PCDH9: variants seen among roughly 807,000 people sequenced by gnomAD.
PCDH9 encodes protocadherin 9.
PCDH9 carries 24 observed loss-of-function variants against 70.6 expected under a neutral mutation model. The observed-to-expected ratio is 0.34, with a 90% CI of 0.25 to 0.48. PCDH9 has a LOEUF of 0.48. Ranked by LOEUF, PCDH9 falls within the 20% of genes least tolerant of loss-of-function variation. The probability of loss-of-function intolerance (pLI) is 0.99; values close to 1 mark genes in which losing one functional copy is unlikely to be tolerated. For missense variants in PCDH9, 1,281 were observed against 1,503.6 expected (o/e 0.85, Z 2.45); for synonymous variants, 562 against 558.5 (o/e 1.01, Z -0.09).
chr13:67,048,865 A>G (rs1253280360), intron 2 of PCDH9, among the ~76,000 whole-genome samples: 1 of 152,146 alleles, frequency 6.6e-6, no homozygotes, highest in Non-Finnish European at 1.5e-5. Flanking sequence ...TTCTTCTGTT[A>G]TACCGGCAGG....
chr13:66,746,161 T>C (rs1175054538), intron 3 of PCDH9, among the ~76,000 whole-genome samples: 2 of 152,204 alleles, frequency 1.3e-5, no homozygotes, highest in Non-Finnish European at 2.9e-5. Flanking sequence ...AACATTAGAT[T>C]GCAAACAATG....
chr13:66,324,531 T>G (rs1351967186), intron 4 of PCDH9, among the ~76,000 whole-genome samples: 1 of 152,006 alleles, frequency 6.6e-6, no homozygotes, highest in Non-Finnish European at 1.5e-5. Context: ...ATATTAATTT[T>G]AGATGAATAA....
chr13:66,517,972 G>A (rs1031572800), intron 4 of PCDH9, among the ~76,000 whole-genome samples: 1 of 151,972 alleles, frequency 6.6e-6, no homozygotes, highest in Admixed American at 6.6e-5. Flanking sequence ...TATCCATCCC[G>A]TGTTAGTTCA....
At chr13:66,539,641 T>A (rs774817943) in intron 4 of PCDH9, among the ~76,000 whole-genome samples, 1 of 152,086 alleles carries the variant, frequency 6.6e-6, no homozygotes, top group African/African-American at 2.4e-5. Context: ...AAATGGTTAT[T>A]GCTTTAAGTC....
intron 2 of PCDH9, among the ~76,000 whole-genome samples, chr13:67,053,793 G>A (rs2085367743): frequency 6.6e-6 from 1 of 152,144 alleles, no homozygotes; most frequent in African/African-American, 2.4e-5. Flanking sequence ...GCCCATGTTT[G>A]AAGCAAAAAT....
At chr13:66,636,246 A>G (rs993960984) in intron 3 of PCDH9, among the ~76,000 whole-genome samples, 4 of 152,148 alleles carry the variant, frequency 2.6e-5, no homozygotes, top group African/African-American at 9.6e-5. Flanking sequence ...CCAATTTTTA[A>G]TTGTTTATCT....
At chr13:67,096,435 G>GA (rs1442786254) in intron 2 of PCDH9, among the ~76,000 whole-genome samples, 16 of 152,124 alleles carry the variant, frequency 1.1e-4, no homozygotes, top group Non-Finnish European at 1.9e-4. Flanking sequence ...CTTAAGAGTA[G>GA]AAAGAGAGGA....
In PCDH9 at chr13:66,640,453, C is replaced by G. The variant is rs961644565; in HGVS notation, c.3139-9042G>C. Among the ~76,000 whole-genome samples the G allele has an allele frequency of 2.6e-5, 4 of 152,022 alleles. No homozygotes were observed. The East Asian group carries it at 7.7e-4, about 29-fold the overall frequency. On this transcript the variant is annotated intron_variant, in intron 3 of 4. Transcript: ENST00000377865. ...AAGTTGCAGCTTTTAGGACATAGCC[C>G]CAATTTTATACAATAATTAACCTCA...
chr13:66,981,244 G>C (rs546071185), intron 2 of PCDH9, among the ~76,000 whole-genome samples: 122 of 152,008 alleles, frequency 8.0e-4, no homozygotes, highest in South Asian at 1.7e-3. Flanking sequence ...CAAGACCATC[G>C]TGGCTAACAC....
intron 4 of PCDH9, among the ~76,000 whole-genome samples, chr13:66,625,790 A>G (rs1241729117): frequency 1.3e-5 from 2 of 151,614 alleles, no homozygotes; most frequent in Non-Finnish European, 1.5e-5. Flanking sequence ...CCTCCTGAGT[A>G]GCTGGGATTA....
intron 2 of PCDH9, among the ~76,000 whole-genome samples, chr13:67,083,940 A>G (rs2086039858): frequency 6.6e-6 from 1 of 152,186 alleles, no homozygotes; most frequent in Admixed American, 6.5e-5. Flanking sequence ...TTATGGATAC[A>G]CCATTTACCC....
At chr13:66,337,624 G>C (rs199950631) in intron 4 of PCDH9, among the ~76,000 whole-genome samples, 1 of 90,388 alleles carries the variant, frequency 1.1e-5, no homozygotes, top group Non-Finnish European at 2.8e-5. Flanking sequence ...CAAACAAACA[G>C]AAATACAGAC....
chr13:66,938,310 A>G (rs1454810784), intron 2 of PCDH9, among the ~76,000 whole-genome samples: 1 of 152,240 alleles, frequency 6.6e-6, no homozygotes, highest in African/African-American at 2.4e-5. Flanking sequence ...TTTCCTTAAC[A>G]TGATATACCA....
chr13:67,077,398 C>T (rs1343544150), intron 2 of PCDH9, among the ~76,000 whole-genome samples: 1 of 152,072 alleles, frequency 6.6e-6, no homozygotes, highest in African/African-American at 2.4e-5. Context: ...CATCATTTTG[C>T]TGAGGTGTCC....
chr13:66,845,128 G>A (rs1024567127), intron 3 of PCDH9, among the ~76,000 whole-genome samples: 4 of 152,156 alleles, frequency 2.6e-5, no homozygotes, highest in Non-Finnish European at 5.9e-5. Context: ...GCCCTGGCTT[G>A]AAGGTGGGGC....
intron 4 of PCDH9, among the ~76,000 whole-genome samples, chr13:66,532,245 C>A (rs1157413619): frequency 6.6e-6 from 1 of 151,832 alleles, no homozygotes; most frequent in Non-Finnish European, 1.5e-5. Flanking sequence ...CTGAAGCAAT[C>A]CTCCTGTCTT....
chr13:66,523,695 A>G (rs1219701064), intron 4 of PCDH9, among the ~76,000 whole-genome samples: 2 of 151,878 alleles, frequency 1.3e-5, no homozygotes, highest in Non-Finnish European at 2.9e-5. Context: ...AGAGGGAAAA[A>G]GCATAATGAG....
intron 4 of PCDH9, among the ~76,000 whole-genome samples, chr13:66,514,644 C>T (rs529674597): frequency 8.5e-5 from 13 of 152,116 alleles, no homozygotes; most frequent in Middle Eastern, 3.4e-3. Context: ...GCTTTTGTGG[C>T]AGACATGAGA....
At chr13:66,581,266 A>G (rs1011251657) in intron 4 of PCDH9, among the ~76,000 whole-genome samples, 1 of 152,152 alleles carries the variant, frequency 6.6e-6, no homozygotes, top group African/African-American at 2.4e-5. Context: ...AAAACTTTAA[A>G]ACTTTATTGT....
Sources: allele counts gnomAD v4.1 joint callset (sites outside exome capture counted in the v4.1 genomes callset), GRCh38; gene constraint gnomAD v4.1.1; transcripts MANE v1.5; gene names NCBI Gene and HGNC (gene_info 2026-07-23, HGNC 2026-07-21).